Variants in CHRM3 observed in about 807,000 individuals in gnomAD.
The protein encoded by CHRM3 is cholinergic receptor muscarinic 3.
In CHRM3, 11 loss-of-function variants were observed where a neutral mutation model predicts 41.8. That is an observed-to-expected ratio of 0.26 (90% confidence interval 0.17 to 0.44). CHRM3 has a LOEUF of 0.44. Ranked by LOEUF, CHRM3 falls within the 20% of genes least tolerant of loss-of-function variation. The pLI, the probability that CHRM3 is intolerant of heterozygous loss-of-function variation, is 1.00. For missense variants in CHRM3, 571 were observed against 745.4 expected, an observed-to-expected ratio of 0.77 and a Z score of 2.72; for synonymous variants, 297 against 301.4, an observed-to-expected ratio of 0.99 and a Z score of 0.15.
At chr1:239,647,532 T>A (rs1358824973) in intron 4 of CHRM3, among the ~76,000 whole-genome samples, 1 of 152,190 alleles carries the variant, frequency 6.6e-6, no homozygotes, top group East Asian at 1.9e-4. Context: ...ATTTCCTTCC[T>A]TGCCCACCTC....
chr1:239,409,964 T>C lies in CHRM3; in HGVS notation c.-521+22737T>C, dbSNP rs1660941606. On this transcript the variant is annotated intron_variant, in intron 1 of 6. Coordinates refer to ENST00000676153, the MANE Select transcript of CHRM3 (RefSeq NM_001375978.1). The stretch of plus-strand genomic sequence containing the variant: ...TCAACAAAAACAAACAAAAAAAAGA[T>C]AGCAGAATGCTTGGGCTTGGTAACC... Among the ~76,000 whole-genome samples the C allele has an allele frequency of 3.3e-5, 5 of 152,158 alleles. No homozygotes were observed. In the South Asian group the frequency reaches 6.3e-4, roughly 19 times the overall value.
chr1:239,467,655 T>A (rs1266156653), intron 1 of CHRM3, among the ~76,000 whole-genome samples: 5 of 152,192 alleles, frequency 3.3e-5, no homozygotes, highest in Non-Finnish European at 2.9e-5. Context: ...GGTATATGAT[T>A]GCTGTGGTAG....
rs952779979 is a variant in CHRM3, at chr1:239,766,061, G to A, written c.-146-61191G>A. Among the ~76,000 whole-genome samples, 6 of 152,008 alleles carry A rather than the reference G, an allele frequency of 3.9e-5. No homozygotes were observed. In the East Asian group the frequency reaches 7.7e-4, roughly 20 times the overall value. ...ACTCCTGACATCAGGTGATCCACCC[G>A]CCTTGGTCTCCCAAAGTGCTGGGAT... On this transcript the variant is annotated intron_variant, in intron 5 of 6. Transcript: ENST00000676153.
chr1:239,848,608 T>C (rs1285713971), intron 6 of CHRM3, among the ~76,000 whole-genome samples: 2 of 152,184 alleles, frequency 1.3e-5, no homozygotes, highest in Non-Finnish European at 2.9e-5. Context: ...AATAACTTGC[T>C]TGATGTTCAC....
chr1:239,872,083 G>A (rs375230480), intron 6 of CHRM3, among the ~76,000 whole-genome samples: 1 of 152,166 alleles, frequency 6.6e-6, no homozygotes, highest in Non-Finnish European at 1.5e-5. Context: ...GGTCTCTTGG[G>A]GATCTGCAGG....
At chr1:239,773,282 A>G (rs481036) in intron 5 of CHRM3, among the ~76,000 whole-genome samples, 96,476 of 151,990 alleles carry the variant, frequency 0.63, 32,034 homozygotes, top group Non-Finnish European at 0.75. Context: ...TACATTGTTC[A>G]TCGAATAGCA....
At position 239,671,232 on chromosome 1, in the gene CHRM3, A is replaced by G. The variant is rs553392528; in HGVS notation, c.-249-6954A>G. On this transcript the variant is annotated intron_variant, in intron 4 of 6. Transcript: ENST00000676153. Reference sequence around the variant, plus strand: ...TTTCTTCAACTCAGTGAGGCAACCAAACTCACTGTGGGTTCTCTTGTCTCT... The same window carrying G: ...TTTCTTCAACTCAGTGAGGCAACCAGACTCACTGTGGGTTCTCTTGTCTCT... 1.6e-4 allele frequency among the ~76,000 whole-genome samples: 25 copies of G among 152,254 alleles called. No homozygotes were observed. The South Asian group carries it at 5.0e-3, about 30-fold the overall frequency.
intron 1 of CHRM3, among the ~76,000 whole-genome samples, chr1:239,457,371 T>C (rs1203441791): frequency 6.6e-6 from 1 of 152,214 alleles, no homozygotes; most frequent in African/African-American, 2.4e-5. Context: ...TTAGTGTCCT[T>C]GTGTTATCTA....
intron 5 of CHRM3, among the ~76,000 whole-genome samples, chr1:239,772,966 C>A (rs1667810011): frequency 6.6e-6 from 1 of 152,098 alleles, no homozygotes; most frequent in Admixed American, 6.6e-5. Context: ...TTTCTGAATC[C>A]CCACACTCAG....
chr1:239,640,965 G>A (rs1342145702), intron 4 of CHRM3, among the ~76,000 whole-genome samples: 4 of 150,948 alleles, frequency 2.6e-5, no homozygotes, highest in Non-Finnish European at 4.4e-5. Context: ...GGTATGTTGT[G>A]TCTTTGTTCT....
chr1:239,386,801 G>T lies in CHRM3; in HGVS notation c.-947G>T, dbSNP rs981258765. ...GAAAAAGTGAGGCGGGAGACAGAGG[G>T]AAAAGGGCGTGAACAGAAAGGGCCG... On this transcript the variant is annotated 5_prime_UTR_variant, in exon 1 of 7. Transcript: ENST00000676153. The T allele has an allele frequency of 6.5e-6, 1 of 152,716 alleles. No homozygotes were observed. The allele number at this position is 152,716 out of a possible 1,614,324, so 9.5% of individuals were successfully genotyped here.
intron 6 of CHRM3, among the ~76,000 whole-genome samples, chr1:239,852,165 G>A (rs1674749141): frequency 6.6e-6 from 1 of 152,104 alleles, no homozygotes; most frequent in Non-Finnish European, 1.5e-5. Context: ...TAAAGGTAAT[G>A]TTTCCCTGGT....
intron 1 of CHRM3, among the ~76,000 whole-genome samples, chr1:239,400,942 T>C (rs543874082): frequency 6.6e-6 from 1 of 152,278 alleles, no homozygotes; most frequent in Admixed American, 6.5e-5. Flanking sequence ...CAGCTGATGA[T>C]GTCGCAGAAG....
At chr1:239,879,225 G>A (rs962481111) in intron 6 of CHRM3, among the ~76,000 whole-genome samples, 20 of 152,030 alleles carry the variant, frequency 1.3e-4, no homozygotes, top group Admixed American at 1.3e-3. Flanking sequence ...CAAACTCCTG[G>A]GCTCAAACAG....
chr1:239,831,649 T>C (rs1298501102), intron 6 of CHRM3, among the ~76,000 whole-genome samples: 1 of 152,166 alleles, frequency 6.6e-6, no homozygotes, highest in African/African-American at 2.4e-5. Context: ...ATTTCAAGCA[T>C]AGCCTGGCAA....
At chr1:239,836,253 G>T (rs192797445) in intron 6 of CHRM3, among the ~76,000 whole-genome samples, 6 of 152,306 alleles carry the variant, frequency 3.9e-5, no homozygotes, top group African/African-American at 1.4e-4. Flanking sequence ...CAAAAACAAA[G>T]TCTTATCCTC....
intron 5 of CHRM3, among the ~76,000 whole-genome samples, chr1:239,795,577 G>C (rs1330390179): frequency 6.6e-6 from 1 of 152,142 alleles, no homozygotes; most frequent in African/African-American, 2.4e-5. Flanking sequence ...GTTAAAGACA[G>C]ACAAGAACAA....
intron 1 of CHRM3, among the ~76,000 whole-genome samples, chr1:239,393,335 A>C (rs1029129539): frequency 8.5e-5 from 13 of 152,176 alleles, no homozygotes; most frequent in African/African-American, 3.1e-4. Context: ...CAATTTTCTT[A>C]GTGCAAAATA....
intron 5 of CHRM3, among the ~76,000 whole-genome samples, chr1:239,724,169 A>G (rs1663228281): frequency 6.6e-6 from 1 of 151,716 alleles, no homozygotes; most frequent in Non-Finnish European, 1.5e-5. Flanking sequence ...ATGTTGACTT[A>G]GGAGGGCATG....
Sources: allele counts gnomAD v4.1 joint callset (sites outside exome capture counted in the v4.1 genomes callset), GRCh38; gene constraint gnomAD v4.1.1; transcripts MANE v1.5; gene names NCBI Gene and HGNC (gene_info 2026-07-23, HGNC 2026-07-21).